The following ADAMTS14 variants were observed in gnomAD, a reference collection of about 807,000 sequenced individuals.
The protein encoded by ADAMTS14 is ADAM metallopeptidase with thrombospondin type 1 motif 14.
Under a neutral mutation model 128.6 loss-of-function variants are expected in ADAMTS14, and 100 were observed. The observed-to-expected ratio is 0.78, with a 90% CI of 0.66 to 0.92. The LOEUF is 0.92. Among genes scored for constraint, ADAMTS14 ranks in the 40% least tolerant of loss-of-function variants. The pLI is 0.00. For missense variants in ADAMTS14, 1,562 were observed against 1,658.6 expected (o/e 0.94, Z 1.01); for synonymous variants, 665 against 653.8 (o/e 1.02, Z -0.26).
intron 9 of ADAMTS14, 94 bp from the exon 10 acceptor site, chr10:70,736,586 G>C: frequency 8.5e-7 from 1 of 1,174,568 alleles, no homozygotes; most frequent in East Asian, 2.6e-5. Flanking sequence ...CTGGGTGCCT[G>C]CACTCATCAC....
At chr10:70,740,699 G>A (rs1419374499) in intron 11 of ADAMTS14, among the ~76,000 whole-genome samples, 1 of 152,194 alleles carries the variant, frequency 6.6e-6, no homozygotes, top group Non-Finnish European at 1.5e-5. Flanking sequence ...AGCTGGAGAG[G>A]GTTAGTCAGT....
chr10:70,759,300 C>T (rs1842553853), intron 21 of ADAMTS14, among the ~76,000 whole-genome samples: 1 of 151,950 alleles, frequency 6.6e-6, no homozygotes, highest in African/African-American at 2.4e-5. Flanking sequence ...CCTAAGCCTG[C>T]CCCTCCACCT....
At chr10:70,738,526 C>A (rs970838417) in intron 10 of ADAMTS14, among the ~76,000 whole-genome samples, 2 of 152,210 alleles carry the variant, frequency 1.3e-5, no homozygotes, top group Non-Finnish European at 2.9e-5. Flanking sequence ...CCCCTATCAG[C>A]CTTTTATTAC....
chr10:70,749,681 C>T (rs921827971), intron 15 of ADAMTS14, 141 bp from the exon 16 acceptor site: 54 of 978,676 alleles, frequency 5.5e-5, no homozygotes, highest in Admixed American at 1.6e-4. Flanking sequence ...CTGTCTGACT[C>T]GGGAGGGCTT....
intron 15 of ADAMTS14, among the ~76,000 whole-genome samples, chr10:70,746,705 T>C (rs1842189629): frequency 6.6e-6 from 1 of 152,168 alleles, no homozygotes; most frequent in African/African-American, 2.4e-5. Context: ...CCTAAGCTAG[T>C]TGGGGGACTG....
intron 3 of ADAMTS14, among the ~76,000 whole-genome samples, chr10:70,708,269 G>A (rs1004567859): frequency 1.3e-5 from 2 of 152,188 alleles, no homozygotes; most frequent in African/African-American, 4.8e-5. Context: ...AGAGACAATG[G>A]AGGCCAGAGA....
At chr10:70,744,520 G>T (rs1444204042) in intron 14 of ADAMTS14, among the ~76,000 whole-genome samples, 1 of 152,226 alleles carries the variant, frequency 6.6e-6, no homozygotes, top group African/African-American at 2.4e-5. Flanking sequence ...ATCTAAAGGT[G>T]TAGCCAAGAC....
rs201606703 is a variant in ADAMTS14, at chr10:70,760,327, G to A, written c.3179-33G>A. 9.3e-5 allele frequency: 140 copies of A among 1,508,340 alleles called. No homozygotes were observed. The East Asian group carries it at 3.2e-3, about 34-fold the overall frequency. The allele number at this position is 1,508,340 out of a possible 1,614,324, so 93.4% of individuals were successfully genotyped here. A position where few individuals can be genotyped will look rare whatever the true frequency, so the allele number is the denominator to read the frequency against. ...CCTGACTGACAGGCATCCCCACGTTGCTTCCATCCTTGTCCTTGTGCTGTG... is the reference window on the plus strand; with the variant it reads ...CCTGACTGACAGGCATCCCCACGTTACTTCCATCCTTGTCCTTGTGCTGTG... On this transcript the variant is annotated intron_variant, in intron 21 of 21. Transcript: ENST00000373207.
In ADAMTS14 at chr10:70,741,027, G is replaced by A. The variant is rs774715036; in HGVS notation, c.1789G>A (p.Glu597Lys). Residue 597 changes from glutamate (E) to lysine (K), a missense_variant, in exon 12 of 22, where the codon GAG becomes AAG. By Grantham distance (56) the Glu-to-Lys change is moderately conservative. Coordinates refer to ENST00000373207, the MANE Select transcript of ADAMTS14 (RefSeq NM_080722.4). ...GGRLCLGPMF[E>K]YQVCNSEECP... The stretch of plus-strand genomic sequence containing the variant: ...CCGCCTGTGCTTAGGGCCCATGTTC[G>A]AGTACCAGGTCTGCAACAGCGAGGA... 19 of 1,614,018 alleles carry A rather than the reference G, an allele frequency of 1.2e-5. No homozygotes were observed. The East Asian group carries it at 2.5e-4, about 21-fold the overall frequency.
intron 12 of ADAMTS14, among the ~76,000 whole-genome samples, chr10:70,742,974 T>C (rs1040166739): frequency 6.6e-6 from 1 of 152,204 alleles, no homozygotes; most frequent in Non-Finnish European, 1.5e-5. Context: ...ACGCATGTCA[T>C]ACATGTGCAC....
intron 3 of ADAMTS14, among the ~76,000 whole-genome samples, chr10:70,706,398 C>T (rs563566651): frequency 7.2e-4 from 110 of 152,204 alleles, no homozygotes; most frequent in Non-Finnish European, 1.3e-3. Flanking sequence ...GCATTCCACT[C>T]GCAGGGCTTA....
At chr10:70,698,251 A>C (rs1424541339) in intron 2 of ADAMTS14, among the ~76,000 whole-genome samples, 1 of 152,126 alleles carries the variant, frequency 6.6e-6, no homozygotes, top group African/African-American at 2.4e-5. Context: ...TGATTTTTTT[A>C]TACAGAAATT....
intron 19 of ADAMTS14, among the ~76,000 whole-genome samples, chr10:70,755,888 T>G (rs2010187): frequency 0.25 from 38,673 of 152,144 alleles, 5,100 homozygotes; most frequent in Admixed American, 0.28. Context: ...AAACTTTATG[T>G]TATATAGATA....
intron 2 of ADAMTS14, among the ~76,000 whole-genome samples, chr10:70,687,130 C>T (rs1327699963): frequency 7.2e-4 from 76 of 105,200 alleles, no homozygotes; most frequent in Non-Finnish European, 1.2e-3. Context: ...CCAGTAGGGG[C>T]GGCCGGGCAG....
intron 4 of ADAMTS14, among the ~76,000 whole-genome samples, chr10:70,720,425 G>GCA (rs1438679285): frequency 6.6e-6 from 1 of 152,174 alleles, no homozygotes; most frequent in African/African-American, 2.4e-5. Context: ...GTGGTATGTG[G>GCA]CATAAAATCA....
At chr10:70,723,062 T>G (rs1317635796) in intron 4 of ADAMTS14, among the ~76,000 whole-genome samples, 3 of 151,798 alleles carry the variant, frequency 2.0e-5, no homozygotes, top group Admixed American at 2.0e-4. Flanking sequence ...CAGTGATGAG[T>G]CAGGCTGGTA....
In ADAMTS14 at chr10:70,734,035, C is replaced by A; in HGVS notation, c.1352+7C>A. ...AGCTCAGCCGCTACCTCCCGTAGGT[C>A]ATTCCTGCCCTCAGAGCTGGGATAG... On this transcript the variant is annotated splice_region_variant and intron_variant, in intron 8 of 21. Coordinates refer to ENST00000373207, the MANE Select transcript of ADAMTS14 (RefSeq NM_080722.4). The A allele has an allele frequency of 6.2e-7, 1 of 1,611,058 alleles. No individual in the cohort carries two copies.
At chr10:70,701,821 C>T (rs368711386) in intron 2 of ADAMTS14, among the ~76,000 whole-genome samples, 2 of 152,278 alleles carry the variant, frequency 1.3e-5, no homozygotes, top group East Asian at 1.9e-4. Context: ...GAAATAACAG[C>T]GCTTCATATT....
chr10:70,708,822 G>GTGGGCCCCA lies in ADAMTS14; in HGVS notation c.870+45_870+53dup, dbSNP rs766241541. On this transcript the variant is annotated intron_variant, in intron 4 of 21. Transcript: ENST00000373207. ...TAGGACTTGGGGGGAGTGGGGTGGGGTGGGCCCCACCCCACCCCACTGGGC... is the reference window on the plus strand; with the variant it reads ...TAGGACTTGGGGGGAGTGGGGTGGGGTGGGCCCCATGGGCCCCACCCCACCCCACTGGGC... 39 of 1,308,056 alleles carry GTGGGCCCCA rather than the reference G, an allele frequency of 3.0e-5. 1 individual carries two copies. The highest frequency in any genetic ancestry group is 4.6e-5 in the African/African-American group (3 of 65,308). 81.0% of individuals were successfully genotyped at this position (1,308,056 alleles called of 1,614,324 possible).
Sources: gnomAD v4.1 joint callset for allele counts (sites outside exome capture counted in the v4.1 genomes callset) on GRCh38, gnomAD v4.1.1 for gene constraint, MANE v1.5 for transcripts, NCBI Gene and HGNC (gene_info 2026-07-23, HGNC 2026-07-21) for gene names.